Variants in PLD6 observed in about 807,000 individuals in gnomAD.
PLD6 encodes the protein phospholipase D family member 6.
PLD6 carries 10 observed loss-of-function variants against 9.7 expected under a neutral mutation model. The ratio of observed to expected loss-of-function variants is 1.03; its 90% CI spans 0.64 to 1.75. The LOEUF (loss-of-function observed/expected upper bound fraction) is 1.75. PLD6 is among the 40% of genes most tolerant of loss of function. PLD6 has a pLI of 0.00. For synonymous variants in PLD6, 152 were observed against 159.2 expected, an observed-to-expected ratio of 0.96 and a Z score of 0.34; for missense variants, 334 against 347.6, an observed-to-expected ratio of 0.96 and a Z score of 0.31.
chr17:17,203,020 G>A lies in PLD6; in HGVS notation c.506C>T (p.Thr169Ile). ...TTGCGTGGTCCAGTTGAGCGAGCCA[G>A]TGATGAGCACCCTCTTGTCCACGAT... is the stretch of plus-strand genomic sequence containing the variant. Reference protein sequence around the residue: ...FAIVDKRVLITGSLNWTTQAI... With the variant: ...FAIVDKRVLIIGSLNWTTQAI... The change falls in exon 2 of 2, where the codon ACT becomes ATT. Residue 169 changes from threonine to isoleucine, a missense_variant. Coordinates refer to ENST00000321560, the MANE Select transcript of PLD6 (RefSeq NM_178836.4). 1.2e-6 allele frequency: 2 copies of A among 1,614,248 alleles called. No homozygotes were observed. The highest frequency in any genetic ancestry group is 1.7e-6 in the Non-Finnish European group (2 of 1,180,048).
rs959116711 is a variant in PLD6 at position 17,206,094 on chromosome 17, G to A, written c.193C>T (p.Leu65Phe). ...LRAPGAELAE[L>F]PEGCPCGLPH... ...AGGCCGCACGGGCAGCCCTCGGGGA[G>A]CTCGGCCAGCTCCGCGCCCGGAGCC... The change falls in exon 1 of 2, where the codon CTC becomes TTC. Residue 65 changes from leucine (L) to phenylalanine (F), a missense_variant. Transcript: ENST00000321560. The A allele has an allele frequency of 4.1e-6, 6 of 1,477,852 alleles. No individual in the cohort carries two copies. The highest frequency in any genetic ancestry group is 1.5e-5 in the African/African-American group (1 of 67,794). 91.5% of individuals were successfully genotyped at this position (1,477,852 alleles called of 1,614,324 possible).
intron 1 of PLD6, among the ~76,000 whole-genome samples, chr17:17,205,600 G>A (rs1487707989): frequency 6.6e-6 from 1 of 152,238 alleles, no homozygotes; most frequent in African/African-American, 2.4e-5. Context: ...CTTCCAGCAT[G>A]CCGGGACAGT....
rs760231888 is a variant in PLD6, at chr17:17,203,114, GGT to G, written c.428-18_428-17del. 2.3e-5 allele frequency: 37 copies of G among 1,607,828 alleles called. No homozygotes were observed. Among genetic ancestry groups the G allele is most frequent in the Non-Finnish European group, 3.1e-5 (37 of 1,175,346 alleles). ...ACCTGGATCCCTGCAGAAAGGACAA[GGT>G]GATTTCATTCCATGCAGGAGTCCCG... On this transcript the variant is annotated splice_polypyrimidine_tract_variant and intron_variant, in intron 1 of 1. Coordinates refer to ENST00000321560, the MANE Select transcript of PLD6 (RefSeq NM_178836.4).
At position 17,202,581 on chromosome 17, in the gene PLD6, C is replaced by A; in HGVS notation, c.*186G>T. On this transcript the variant is annotated 3_prime_UTR_variant, in exon 2 of 2. Coordinates refer to ENST00000321560, the MANE Select transcript of PLD6 (RefSeq NM_178836.4). ...GACTGAAGTTATTTTGGCAAAGGAGCAAGAAAAAGGTCTGGCCCGAAATAA... is the reference window on the plus strand; with the variant it reads ...GACTGAAGTTATTTTGGCAAAGGAGAAAGAAAAAGGTCTGGCCCGAAATAA... 1 of 634,544 alleles carries A rather than the reference C, an allele frequency of 1.6e-6. No homozygotes were observed. The highest frequency in any genetic ancestry group is 2.7e-6 in the Non-Finnish European group (1 of 372,310). 39.3% of individuals were successfully genotyped at this position (634,544 alleles called of 1,614,324 possible).
Position 17,206,300 on chromosome 17 carries a change from C to A in PLD6, c.-14G>T. ...CAACCGTCCCATGCCGCCGCTAATC[C>A]GGGACCCACAGCCACGCCGCCGCAG... is the stretch of plus-strand genomic sequence containing the variant. On this transcript the variant is annotated 5_prime_UTR_variant, in exon 1 of 2. Transcript: ENST00000321560. The A allele has an allele frequency of 1.3e-6, 2 of 1,519,332 alleles. No individual in the cohort carries two copies. Among genetic ancestry groups the A allele is most frequent in the East Asian group, 5.4e-5 (2 of 37,278 alleles). 94.1% of individuals were successfully genotyped at this position (1,519,332 alleles called of 1,614,324 possible).
chr17:17,203,050 A>G lies in PLD6; in HGVS notation c.476T>C (p.Phe159Ser), dbSNP rs2046688398. 6.2e-7 allele frequency: 1 copy of G among 1,614,146 alleles called. No individual in the cohort carries two copies. The highest frequency in any genetic ancestry group is 1.1e-5 in the South Asian group (1 of 91,078). The change falls in exon 2 of 2, where the codon TTT (phenylalanine) becomes TCT (serine). Residue 159 changes from phenylalanine to serine, a missense_variant. By Grantham distance (155) the Phe-to-Ser change is radical (BLOSUM62 -2). Coordinates refer to ENST00000321560, the MANE Select transcript of PLD6 (RefSeq NM_178836.4). ...GAGCACCCTCTTGTCCACGATGGCAAACTTGTGATGCATGTAGCCTGGGTC... is the reference window on the plus strand; with the variant it reads ...GAGCACCCTCTTGTCCACGATGGCAGACTTGTGATGCATGTAGCCTGGGTC... ...DQDPGYMHHK[F>S]AIVDKRVLIT...
chr17:17,205,714 A>T, intron 1 of PLD6, 146 bp downstream of exon 1: 2 of 982,032 alleles, frequency 2.0e-6, no homozygotes, highest in Non-Finnish European at 2.9e-6. Context: ...TCTCCGCGTT[A>T]CACCACCCCG....
chr17:17,205,748 T>C (rs1428661997), intron 1 of PLD6, 112 bp downstream of exon 1: 16 of 1,249,334 alleles, frequency 1.3e-5, no homozygotes, highest in Admixed American at 2.3e-5. Flanking sequence ...ACGAGGAAAG[T>C]AAATGAGGCC....
rs1021774722 is a variant in PLD6, at chr17:17,205,891, G to C, written c.396C>G (p.Asn132Lys). 29 of 1,576,402 alleles carry C rather than the reference G, an allele frequency of 1.8e-5. No homozygotes were observed. Among genetic ancestry groups the C allele is most frequent in the Middle Eastern group, 3.3e-4 (2 of 6,040 alleles). ...VVTDCDYMAL[N>K]GSQIGLLRKA... ...TGCGCAGCAGACCGATTTGCGAGCC[G>C]TTGAGGGCCATGTAGTCGCAGTCGG... is the stretch of plus-strand genomic sequence containing the variant. The change falls in exon 1 of 2, where the codon AAC becomes AAG. Residue 132 changes from asparagine to lysine, a missense_variant. Asn to Lys is a moderately conservative substitution (Grantham distance 94). Coordinates refer to ENST00000321560, the MANE Select transcript of PLD6 (RefSeq NM_178836.4).
In PLD6 at chr17:17,202,489, T is replaced by C. The variant is rs911864860; in HGVS notation, c.*278A>G. On this transcript the variant is annotated 3_prime_UTR_variant, in exon 2 of 2. Transcript: ENST00000321560. Reference sequence around the variant, plus strand: ...GAGGCACTGTGCCTTTTCTGTGCTGTAGCAGAAGTTTCGATTCCAAACCAA... The same window carrying C: ...GAGGCACTGTGCCTTTTCTGTGCTGCAGCAGAAGTTTCGATTCCAAACCAA... 6.9e-6 allele frequency: 3 copies of C among 437,096 alleles called. No individual in the cohort carries two copies. Among genetic ancestry groups the C allele is most frequent in the Non-Finnish European group, 1.3e-5 (3 of 239,684 alleles). 27.1% of individuals were successfully genotyped at this position (437,096 alleles called of 1,614,324 possible).
chr17:17,205,882 T>G lies in PLD6; in HGVS notation c.405A>C (p.Gln135His), dbSNP rs550349421. ...TACCTGCCTTGCGCAGCAGACCGAT[T>G]TGCGAGCCGTTGAGGGCCATGTAGT... ...DCDYMALNGSQIGLLRKAGIQ... is the reference protein window; with the variant it reads ...DCDYMALNGSHIGLLRKAGIQ... Residue 135 changes from glutamine to histidine, a missense_variant, in exon 1 of 2, where the codon CAA becomes CAC. Physicochemically the swap from Gln to His is conservative, Grantham distance 24 (BLOSUM62 0). Coordinates refer to ENST00000321560, the MANE Select transcript of PLD6 (RefSeq NM_178836.4). 6.4e-7 allele frequency: 1 copy of G among 1,573,312 alleles called. No individual in the cohort carries two copies. Among genetic ancestry groups the G allele is most frequent in the Non-Finnish European group, 8.6e-7 (1 of 1,160,532 alleles).
chr17:17,201,977 C>T lies in PLD6; in HGVS notation c.*790G>A, dbSNP rs895509039. 1 of 151,994 alleles carries T rather than the reference C, an allele frequency of 6.6e-6. No homozygotes were observed. The highest frequency in any genetic ancestry group is 2.4e-5 in the African/African-American group (1 of 41,384). 9.4% of individuals were successfully genotyped at this position (151,994 alleles called of 1,614,324 possible). ...CTCCAGCCTGGGCCACAGAGTGAGA[C>T]TCCATCTCAAAAAAGATAAATAAAT... On this transcript the variant is annotated 3_prime_UTR_variant, in exon 2 of 2. Coordinates refer to ENST00000321560, the MANE Select transcript of PLD6 (RefSeq NM_178836.4).
intron 1 of PLD6, 104 bp from the exon 2 acceptor site, chr17:17,203,202 GC>G: frequency 8.3e-7 from 1 of 1,212,012 alleles, no homozygotes; most frequent in Non-Finnish European, 1.1e-6. Context: ...AGTTTGGTGG[GC>G]CAGGAAAGCC....
At position 17,202,081 on chromosome 17, in the gene PLD6, T is replaced by C. The variant is rs1262481697; in HGVS notation, c.*686A>G. 1 of 152,416 alleles carries C rather than the reference T, an allele frequency of 6.6e-6. No individual in the cohort carries two copies. The highest frequency in any genetic ancestry group is 2.4e-5 in the African/African-American group (1 of 41,458). 9.4% of individuals were successfully genotyped at this position (152,416 alleles called of 1,614,324 possible). On this transcript the variant is annotated 3_prime_UTR_variant, in exon 2 of 2. Coordinates refer to ENST00000321560, the MANE Select transcript of PLD6 (RefSeq NM_178836.4). ...ATCAGTCCTGACAGACCACAGCACT[T>C]ACTACCCAAGGACAGGCTGCTGAAG...
rs780960567 is a variant in PLD6 at position 17,203,039 on chromosome 17, C to T, written c.487G>A (p.Asp163Asn). 6.2e-7 allele frequency: 1 copy of T among 1,614,204 alleles called. No homozygotes were observed. The highest frequency in any genetic ancestry group is 8.5e-7 in the Non-Finnish European group (1 of 1,180,034). Residue 163 changes from aspartate (D) to asparagine (N), a missense_variant, in exon 2 of 2, where the codon GAC (aspartate) becomes AAC (asparagine). Physicochemically the swap from Asp to Asn is conservative, Grantham distance 23. Transcript: ENST00000321560. ...GAGCCAGTGATGAGCACCCTCTTGT[C>T]CACGATGGCAAACTTGTGATGCATG... is the stretch of plus-strand genomic sequence containing the variant. ...GYMHHKFAIV[D>N]KRVLITGSLN... is the part of the protein sequence containing the mutation.
chr17:17,203,494 A>C (rs2046691772), intron 1 of PLD6, among the ~76,000 whole-genome samples: 1 of 152,236 alleles, frequency 6.6e-6, no homozygotes, highest in Non-Finnish European at 1.5e-5. Flanking sequence ...TAAGGCTGAG[A>C]GCGTGCCCAC....
chr17:17,202,690 G>T lies in PLD6; in HGVS notation c.*77C>A. 7.2e-7 allele frequency: 1 copy of T among 1,389,526 alleles called. No individual in the cohort carries two copies. Among genetic ancestry groups the T allele is most frequent in the Non-Finnish European group, 9.8e-7 (1 of 1,016,602 alleles). The allele number at this position is 1,389,526 out of a possible 1,614,324, so 86.1% of individuals were successfully genotyped here. On this transcript the variant is annotated 3_prime_UTR_variant, in exon 2 of 2. Transcript: ENST00000321560. Reference sequence around the variant, plus strand: ...CTAATAGACGAGACTTTAGTTTAACGATTTTTTTCTAGTGCCGAGGTCTCC... The same window carrying T: ...CTAATAGACGAGACTTTAGTTTAACTATTTTTTTCTAGTGCCGAGGTCTCC...
intron 1 of PLD6, among the ~76,000 whole-genome samples, chr17:17,203,937 G>A (rs1193290851): frequency 1.3e-5 from 2 of 152,152 alleles, no homozygotes; most frequent in East Asian, 3.8e-4. Context: ...ATCACTCCCT[G>A]TGCATGGAAC....
chr17:17,204,828 A>C (rs1311159713), intron 1 of PLD6, among the ~76,000 whole-genome samples: 1 of 152,110 alleles, frequency 6.6e-6, no homozygotes, highest in East Asian at 1.9e-4. Context: ...CTGCTCCCAC[A>C]TGGCGTGCAA....
Sources: gnomAD v4.1 joint callset for allele counts (sites outside exome capture counted in the v4.1 genomes callset) on GRCh38, gnomAD v4.1.1 for gene constraint, MANE v1.5 for transcripts, NCBI Gene and HGNC (gene_info 2026-07-23, HGNC 2026-07-21) for gene names.